The following ACSF3 variants were observed in gnomAD, a reference collection of about 807,000 sequenced individuals.
ACSF3 encodes malonate--CoA ligase ACSF3, mitochondrial.
ACSF3 carries 78 observed loss-of-function variants against 53.2 expected under a neutral mutation model. That is an observed-to-expected ratio of 1.47 (90% CI 1.22 to 1.77). ACSF3 has a LOEUF of 1.77. ACSF3 is among the 40% of genes most tolerant of loss of function. The pLI is 0.00. For synonymous variants in ACSF3, 414 were observed against 333.1 expected (o/e 1.24, Z -2.65); for missense variants, 937 against 771.1 (o/e 1.22, Z -2.55).
chr16:89,112,011 G>A (rs1976728235), intron 4 of ACSF3, 81 bp from the exon 5 acceptor site: 5 of 205,158 alleles, frequency 2.4e-5, no homozygotes, highest in Non-Finnish European at 3.1e-5. Context: ...CCATGAGAAC[G>A]CTGTGCCTGG....
At chr16:89,137,896 G>A (rs1018294112) in intron 8 of ACSF3, among the ~76,000 whole-genome samples, 4 of 152,214 alleles carry the variant, frequency 2.6e-5, no homozygotes, top group South Asian at 2.1e-4. Context: ...AGGCGTGTTG[G>A]GGTAGGAGCA....
chr16:89,120,696 C>T, intron 6 of ACSF3, 105 bp from the exon 7 acceptor site: 1 of 1,087,528 alleles, frequency 9.2e-7, no homozygotes, highest in Non-Finnish European at 1.4e-6. Flanking sequence ...CAGACTCCCG[C>T]ACGTGGCACA....
intron 8 of ACSF3, among the ~76,000 whole-genome samples, chr16:89,137,618 C>T (rs34291899): frequency 4.3e-3 from 434 of 100,926 alleles, no homozygotes; most frequent in Non-Finnish European, 6.0e-3. Flanking sequence ...GCCCCAGGTC[C>T]CGGGAGGACC....
At chr16:89,139,999 G>T (rs1911431908) in intron 8 of ACSF3, among the ~76,000 whole-genome samples, 1 of 152,200 alleles carries the variant, frequency 6.6e-6, no homozygotes, top group African/African-American at 2.4e-5. Flanking sequence ...GAGCTGCCGG[G>T]TGAGCGCTGA....
At chr16:89,105,238 C>T (rs11076766) in intron 4 of ACSF3, among the ~76,000 whole-genome samples, 107,459 of 152,112 alleles carry the variant, frequency 0.71, 38,611 homozygotes, top group Admixed American at 0.77. Flanking sequence ...GCAGACACTG[C>T]GGCTGCCTCA....
chr16:89,128,849 C>A (rs903568452), intron 7 of ACSF3, among the ~76,000 whole-genome samples: 5 of 152,016 alleles, frequency 3.3e-5, no homozygotes, highest in African/African-American at 1.2e-4. Flanking sequence ...TATATTCTGC[C>A]CAGGCGCAGT....
chr16:89,133,012 G>A (rs1252413762), intron 7 of ACSF3, 124 bp from the exon 8 acceptor site: 1 of 1,420,600 alleles, frequency 7.0e-7, no homozygotes, highest in East Asian at 2.3e-5. Flanking sequence ...AAAGCGCTCA[G>A]TTTCAGAAAG....
At chr16:89,151,582 C>T in intron 10 of ACSF3, 1 of 209,006 alleles carries the variant, frequency 4.8e-6, no homozygotes, top group South Asian at 7.2e-5. Flanking sequence ...CTTTCATATT[C>T]AAAAATCAGT....
intron 4 of ACSF3, among the ~76,000 whole-genome samples, chr16:89,109,161 G>A (rs1452229669): frequency 1.3e-5 from 2 of 149,926 alleles, no homozygotes; most frequent in African/African-American, 4.9e-5. Flanking sequence ...GAACCCAGGG[G>A]GCGGCGATTG....
At chr16:89,143,189 C>T (rs1480348315) in intron 8 of ACSF3, among the ~76,000 whole-genome samples, 1 of 152,216 alleles carries the variant, frequency 6.6e-6, no homozygotes, top group East Asian at 1.9e-4. Context: ...GTGGTACATC[C>T]TCAGTGCCGT....
At chr16:89,135,390 G>T (rs1371705844) in intron 8 of ACSF3, among the ~76,000 whole-genome samples, 1 of 152,230 alleles carries the variant, frequency 6.6e-6, no homozygotes, top group African/African-American at 2.4e-5. Flanking sequence ...TGTGCTAGGT[G>T]TGTGGCAGTT....
chr16:89,142,811 A>C (rs1912112929), intron 8 of ACSF3, among the ~76,000 whole-genome samples: 1 of 152,220 alleles, frequency 6.6e-6, no homozygotes, highest in Non-Finnish European at 1.5e-5. Flanking sequence ...ACCTGCAGAC[A>C]CACCCACACC....
chr16:89,109,126 G>A (rs1283471654), intron 4 of ACSF3, among the ~76,000 whole-genome samples: 1 of 151,384 alleles, frequency 6.6e-6, no homozygotes, highest in Non-Finnish European at 1.5e-5. Flanking sequence ...CAGCTACTCG[G>A]GAGGCTGAGG....
intron 7 of ACSF3, among the ~76,000 whole-genome samples, chr16:89,132,396 A>G (rs554465318): frequency 3.3e-5 from 5 of 152,208 alleles, no homozygotes; most frequent in African/African-American, 1.2e-4. Context: ...GTCTTCACAG[A>G]CCCACCGTGT....
chr16:89,134,167 C>T (rs1378648109), intron 8 of ACSF3, among the ~76,000 whole-genome samples: 1 of 152,192 alleles, frequency 6.6e-6, no homozygotes, highest in Non-Finnish European at 1.5e-5. Context: ...CGGGCAGCTT[C>T]CAAAATGGCG....
At chr16:89,140,621 G>T (rs1027479504) in intron 8 of ACSF3, among the ~76,000 whole-genome samples, 1 of 152,184 alleles carries the variant, frequency 6.6e-6, no homozygotes, top group Admixed American at 6.5e-5. Context: ...TGTCACTCCA[G>T]ATCCAGGCTC....
Position 89,154,251 on chromosome 16 carries a change from T to TC in ACSF3, c.*48dup. 1 of 1,583,110 alleles carries TC rather than the reference T, an allele frequency of 6.3e-7. No homozygotes were observed. Among genetic ancestry groups the TC allele is most frequent in the Non-Finnish European group, 8.6e-7 (1 of 1,157,498 alleles). ...CGGGTCTGGTGGGGAGCAGCAGACG[T>TC]CCCCTTCACACCGAGAACCACGGGG... On this transcript the variant is annotated 3_prime_UTR_variant, in exon 11 of 11. Coordinates refer to ENST00000614302, the MANE Select transcript of ACSF3 (RefSeq NM_001243279.3).
intron 10 of ACSF3, among the ~76,000 whole-genome samples, chr16:89,146,547 C>G (rs1046070050): frequency 3.9e-5 from 6 of 152,230 alleles, no homozygotes; most frequent in African/African-American, 1.2e-4. Flanking sequence ...CGGCCTCTCC[C>G]TCTCCTGCCC....
chr16:89,131,962 T>C (rs1909414461), intron 7 of ACSF3, among the ~76,000 whole-genome samples: 1 of 151,286 alleles, frequency 6.6e-6, no homozygotes, highest in Admixed American at 6.6e-5. Flanking sequence ...GAGCCCAGGC[T>C]GGCGGGTTGG....
Sources: gnomAD v4.1 joint callset for allele counts (sites outside exome capture counted in the v4.1 genomes callset) on GRCh38, gnomAD v4.1.1 for gene constraint, MANE v1.5 for transcripts, NCBI Gene and HGNC (gene_info 2026-07-23, HGNC 2026-07-21) for gene names.